Variants in SNAP91 observed in about 807,000 individuals in gnomAD.
SNAP91 encodes clathrin coat assembly protein AP180.
In SNAP91, 27 loss-of-function variants were observed where a neutral mutation model predicts 100.3. The ratio of observed to expected loss-of-function variants is 0.27; its 90% CI spans 0.20 to 0.37. The LOEUF is 0.37. Among genes scored for constraint, SNAP91 ranks in the 10% least tolerant of loss-of-function variants. SNAP91 has a pLI of 1.00. For missense variants in SNAP91, 986 were observed against 1,123.7 expected (o/e 0.88, Z 1.75); for synonymous variants, 404 against 398.6 (o/e 1.01, Z -0.16).
chr6:83,590,034 G>A (rs2093495915), intron 22 of SNAP91, among the ~76,000 whole-genome samples: 1 of 152,124 alleles, frequency 6.6e-6, no homozygotes, highest in Non-Finnish European at 1.5e-5. Context: ...GACATGCATG[G>A]CAGCTTCCCA....
At chr6:83,699,256 A>G (rs1341562148) in intron 2 of SNAP91, among the ~76,000 whole-genome samples, 1 of 152,236 alleles carries the variant, frequency 6.6e-6, no homozygotes, top group Non-Finnish European at 1.5e-5. Context: ...TGATAGATCT[A>G]TGAAATATAG....
intron 22 of SNAP91, among the ~76,000 whole-genome samples, chr6:83,586,491 G>A (rs1387159196): frequency 6.6e-6 from 1 of 152,130 alleles, no homozygotes; most frequent in African/African-American, 2.4e-5. Flanking sequence ...TGGTTGTCCT[G>A]CTCGATGCCA....
chr6:83,652,383 T>C (rs534975920), intron 7 of SNAP91, among the ~76,000 whole-genome samples: 12 of 152,254 alleles, frequency 7.9e-5, no homozygotes, highest in African/African-American at 2.9e-4. Flanking sequence ...TTTTTTACTT[T>C]TTTAGTGGTT....
chr6:83,692,252 C>T (rs1457221190), intron 2 of SNAP91, among the ~76,000 whole-genome samples: 2 of 152,110 alleles, frequency 1.3e-5, no homozygotes, highest in African/African-American at 4.8e-5. Context: ...CAAATGTACT[C>T]GCCTGTAATG....
At chr6:83,691,646 A>T (rs868214219) in intron 2 of SNAP91, among the ~76,000 whole-genome samples, 4 of 152,196 alleles carry the variant, frequency 2.6e-5, no homozygotes, top group African/African-American at 9.6e-5. Context: ...ATAGTATACG[A>T]TGCTGACCAC....
intron 25 of SNAP91, chr6:83,575,342 C>A: frequency 1.9e-6 from 1 of 530,028 alleles, no homozygotes; most frequent in Non-Finnish European, 3.3e-6. Context: ...GAGTTTGGAC[C>A]TCAATAAGTA....
chr6:83,616,944 T>C, intron 10 of SNAP91, 25 bp downstream of exon 10: 1 of 1,425,146 alleles, frequency 7.0e-7, no homozygotes, highest in South Asian at 1.3e-5. Context: ...TTTCATCTTA[T>C]TTAGAATATA....
chr6:83,610,000 T>C (rs1419477539), intron 12 of SNAP91, among the ~76,000 whole-genome samples: 1 of 152,152 alleles, frequency 6.6e-6, no homozygotes, highest in Non-Finnish European at 1.5e-5. Context: ...CTATACTACA[T>C]TGGACTTAGA....
At chr6:83,684,018 T>C (rs1302206028) in intron 2 of SNAP91, among the ~76,000 whole-genome samples, 1 of 152,200 alleles carries the variant, frequency 6.6e-6, no homozygotes, top group African/African-American at 2.4e-5. Context: ...GCCTCATACC[T>C]TTGTTTCCCT....
intron 26 of SNAP91, among the ~76,000 whole-genome samples, chr6:83,573,685 A>C (rs1174956718): frequency 1.3e-5 from 2 of 152,220 alleles, no homozygotes; most frequent in Non-Finnish European, 2.9e-5. Context: ...AAACCTGACA[A>C]AAACAAGAAA....
Position 83,565,551 on chromosome 6 carries a change from T to C in SNAP91, c.2443-4604A>G, listed in dbSNP as rs77263729. On this transcript the variant is annotated intron_variant, in intron 26 of 29. Transcript: ENST00000369694. Reference sequence around the variant, plus strand: ...TGCATGTGCTAATAACTTCTGTTTGTTTTATTATTTTTAATTTGTCTTTGA... The same window carrying C: ...TGCATGTGCTAATAACTTCTGTTTGCTTTATTATTTTTAATTTGTCTTTGA... Among the ~76,000 whole-genome samples the C allele has an allele frequency of 2.6e-3, 397 of 152,296 alleles. 8 individuals carry two copies. In the East Asian group the frequency reaches 0.027, roughly 10 times the overall value.
intron 5 of SNAP91, 48 bp downstream of exon 5, chr6:83,661,454 T>C: frequency 8.3e-7 from 1 of 1,209,736 alleles, no homozygotes; most frequent in South Asian, 1.4e-5. Flanking sequence ...CAAGTATGCC[T>C]CAAAGACTTA....
intron 2 of SNAP91, among the ~76,000 whole-genome samples, chr6:83,695,642 T>C (rs1444021713): frequency 1.3e-5 from 2 of 152,172 alleles, no homozygotes; most frequent in African/African-American, 4.8e-5. Context: ...CAAATATTTA[T>C]ACCCATTTAC....
At chr6:83,607,583 C>A in intron 13 of SNAP91, 116 bp downstream of exon 13, 1 of 610,944 alleles carries the variant, frequency 1.6e-6, no homozygotes, top group Non-Finnish European at 2.7e-6. Flanking sequence ...GTAAAAACTT[C>A]AACATTACTA....
intron 26 of SNAP91, among the ~76,000 whole-genome samples, chr6:83,570,548 C>CGGGGGGGGGGGG (rs1805071633): frequency 1.3e-5 from 1 of 74,640 alleles, no homozygotes; most frequent in African/African-American, 7.9e-5. Context: ...TGGAGGTTTA[C>CGGGGGGGGGGGG]GGGGTGGCGG....
intron 26 of SNAP91, among the ~76,000 whole-genome samples, chr6:83,574,286 T>C (rs935158099): frequency 1.3e-5 from 2 of 152,232 alleles, no homozygotes; most frequent in Non-Finnish European, 2.9e-5. Context: ...TTTGCTACTC[T>C]GAAAACACGT....
chr6:83,554,678 A>G (rs1046160455), intron 29 of SNAP91, among the ~76,000 whole-genome samples: 1 of 152,132 alleles, frequency 6.6e-6, no homozygotes, highest in Non-Finnish European at 1.5e-5. Context: ...TTATTTTTTC[A>G]TGTATTCAGT....
chr6:83,594,777 A>G (rs2094270516), intron 16 of SNAP91, among the ~76,000 whole-genome samples: 1 of 152,184 alleles, frequency 6.6e-6, no homozygotes, highest in Admixed American at 6.5e-5. Flanking sequence ...ATGTATCATT[A>G]GAAATTAATG....
intron 2 of SNAP91, among the ~76,000 whole-genome samples, chr6:83,669,820 A>G (rs946818468): frequency 6.6e-6 from 1 of 152,018 alleles, no homozygotes; most frequent in Non-Finnish European, 1.5e-5. Context: ...TGAATGTATC[A>G]ATAATTCATT....
Sources: allele counts gnomAD v4.1 joint callset (sites outside exome capture counted in the v4.1 genomes callset), GRCh38; gene constraint gnomAD v4.1.1; transcripts MANE v1.5; gene names NCBI Gene and HGNC (gene_info 2026-07-23, HGNC 2026-07-21).